TTBK2: variants seen among roughly 807,000 people sequenced by gnomAD.
TTBK2 encodes the protein tau-tubulin kinase 2.
In TTBK2, 28 loss-of-function variants were observed where a neutral mutation model predicts 110.8. The observed-to-expected ratio is 0.25, with a 90% confidence interval of 0.19 to 0.35. TTBK2 has a LOEUF of 0.35. TTBK2 is among the 10% of genes least tolerant of loss of function. The probability of loss-of-function intolerance (pLI) is 1.00; values close to 1 mark genes in which losing one functional copy is unlikely to be tolerated. For missense variants in TTBK2, 1,369 were observed against 1,500.3 expected (o/e 0.91, Z 1.45); for synonymous variants, 532 against 527.3 (o/e 1.01, Z -0.12).
intron 1 of TTBK2, among the ~76,000 whole-genome samples, chr15:42,889,797 A>G (rs1050277728): frequency 1.3e-5 from 2 of 151,994 alleles, no homozygotes; most frequent in African/African-American, 4.8e-5. Flanking sequence ...TCTTCCTTCA[A>G]CTTAATCTCT....
chr15:42,878,526 C>T, intron 2 of TTBK2, 23 bp downstream of exon 2: 2 of 1,607,762 alleles, frequency 1.2e-6, no homozygotes, highest in Non-Finnish European at 8.5e-7. Flanking sequence ...CACACACACA[C>T]ACTCTCTGAG....
chr15:42,790,180 T>C (rs1890594320), intron 10 of TTBK2, among the ~76,000 whole-genome samples: 1 of 152,192 alleles, frequency 6.6e-6, no homozygotes, highest in African/African-American at 2.4e-5. Flanking sequence ...ATAAAACTCC[T>C]AGAAGAGAAC....
At chr15:42,747,046 T>G (rs1472451248) in intron 14 of TTBK2, among the ~76,000 whole-genome samples, 1 of 151,438 alleles carries the variant, frequency 6.6e-6, no homozygotes, top group Non-Finnish European at 1.5e-5. Context: ...CTCACTGCAG[T>G]CTCGACCTCC....
intron 9 of TTBK2, among the ~76,000 whole-genome samples, chr15:42,798,952 A>T (rs1296213765): frequency 6.6e-6 from 1 of 152,208 alleles, no homozygotes; most frequent in Non-Finnish European, 1.5e-5. Flanking sequence ...CGAAAATCCA[A>T]AATATTCCAA....
At chr15:42,791,077 C>T (rs575217114) in intron 10 of TTBK2, among the ~76,000 whole-genome samples, 70 of 152,172 alleles carry the variant, frequency 4.6e-4, no homozygotes, top group South Asian at 1.0e-3. Flanking sequence ...TTAGTAGAGA[C>T]GGGGTTTCAC....
chr15:42,743,530 T>C lies in TTBK2; in HGVS notation c.*2265A>G, dbSNP rs1025218244. ...CAGAAATATGACAATTTCTTCATTA[T>C]TCCCCCGACCCCCTGCAAAAAAAGT... On this transcript the variant is annotated 3_prime_UTR_variant, in exon 15 of 15. Coordinates refer to ENST00000267890, the MANE Select transcript of TTBK2 (RefSeq NM_173500.4). 6.6e-6 allele frequency: 1 copy of C among 152,234 alleles called. No individual in the cohort carries two copies. The highest frequency in any genetic ancestry group is 2.4e-5 in the African/African-American group (1 of 41,460). 9.4% of individuals were successfully genotyped at this position (152,234 alleles called of 1,614,324 possible).
chr15:42,781,425 C>T (rs1041757918), intron 11 of TTBK2, among the ~76,000 whole-genome samples: 3 of 152,014 alleles, frequency 2.0e-5, no homozygotes, highest in Non-Finnish European at 2.9e-5. Flanking sequence ...CTTGTCTTAG[C>T]TTATTCTGCT....
At position 42,794,667 on chromosome 15, in the gene TTBK2, A is replaced by G; in HGVS notation, c.957T>C (p.Thr319=). 6.2e-7 allele frequency: 1 copy of G among 1,614,126 alleles called. No homozygotes were observed. Residue 319 remains threonine, a synonymous_variant, in exon 10 of 15, where the codon ACT becomes ACC. Transcript: ENST00000267890. ...ACCCAATTGCAGCAGGGGTCAAGCG[A>G]GTGTGCAACTGAGGGGTGGTAGAAG... ...TTTSTTPQLH[T]RLTPAAIGIA...
intron 11 of TTBK2, among the ~76,000 whole-genome samples, chr15:42,782,082 T>C (rs1219044897): frequency 6.6e-6 from 1 of 152,154 alleles, no homozygotes; most frequent in African/African-American, 2.4e-5. Context: ...TATGTATATA[T>C]ATTTTTTGAG....
intron 4 of TTBK2, among the ~76,000 whole-genome samples, chr15:42,836,724 C>A (rs934568767): frequency 6.6e-6 from 1 of 152,180 alleles, no homozygotes; most frequent in Non-Finnish European, 1.5e-5. Flanking sequence ...CAGAAAGACT[C>A]TGCAGACTAA....
chr15:42,816,057 AAT>A (rs1410112235), intron 7 of TTBK2, among the ~76,000 whole-genome samples: 2 of 107,292 alleles, frequency 1.9e-5, no homozygotes, highest in Non-Finnish European at 3.5e-5. Flanking sequence ...TCTATATAAA[AAT>A]ATATATATAT....
intron 9 of TTBK2, among the ~76,000 whole-genome samples, chr15:42,806,652 G>A (rs991503705): frequency 6.6e-6 from 1 of 152,118 alleles, no homozygotes; most frequent in African/African-American, 2.4e-5. Flanking sequence ...CCCTTGGCTT[G>A]TAACATTCTA....
chr15:42,800,691 TA>T (rs776435549), intron 9 of TTBK2, among the ~76,000 whole-genome samples: 53 of 150,780 alleles, frequency 3.5e-4, no homozygotes, highest in Non-Finnish European at 6.3e-4. Flanking sequence ...CAGTGATAAG[TA>T]GATGCAATAG....
At chr15:42,811,069 C>T (rs1478860028) in intron 8 of TTBK2, among the ~76,000 whole-genome samples, 1 of 152,190 alleles carries the variant, frequency 6.6e-6, no homozygotes, top group Admixed American at 6.5e-5. Context: ...CAACTCACTG[C>T]AGCCTCGACC....
At position 42,777,209 on chromosome 15, in the gene TTBK2, C is replaced by A. The variant is rs749712720; in HGVS notation, c.1231G>T (p.Ala411Ser). 3.1e-6 allele frequency: 5 copies of A among 1,614,020 alleles called. No homozygotes were observed. In the African/African-American group the frequency reaches 6.7e-5, roughly 22 times the overall value. The change falls in exon 12 of 15, where the codon GCA becomes TCA. Residue 411 changes from alanine to serine, a missense_variant. This residue lies in a region of TTBK2 where 1,097 missense variants were observed against 1,114.7 expected (regional missense o/e 0.98). Coordinates refer to ENST00000267890, the MANE Select transcript of TTBK2 (RefSeq NM_173500.4). ...CTTGGAGCATTGAGAAGACCATTTG[C>A]CTGGCCATGGCTGTTCTCCTCTTCA... ...ATEEENSHGQ[A>S]NGLLNAPSLG...
At chr15:42,857,795 T>TA (rs1351745740) in intron 3 of TTBK2, among the ~76,000 whole-genome samples, 1 of 151,998 alleles carries the variant, frequency 6.6e-6, no homozygotes, top group East Asian at 1.9e-4. Flanking sequence ...AAGTACAAGT[T>TA]AATGGGGCCA....
intron 14 of TTBK2, among the ~76,000 whole-genome samples, chr15:42,750,457 A>G (rs774541287): frequency 2.0e-5 from 3 of 152,160 alleles, no homozygotes; most frequent in Non-Finnish European, 4.4e-5. Flanking sequence ...AAAAAGTACA[A>G]TCACTAAAAT....
Position 42,851,629 on chromosome 15 carries a change from CATAT to C in TTBK2, c.218-11200_218-11197del, listed in dbSNP as rs151087738. Among the ~76,000 whole-genome samples the C allele has an allele frequency of 8.8e-4, 134 of 151,886 alleles. 2 individuals carry two copies. The East Asian group carries it at 0.022, about 25-fold the overall frequency. On this transcript the variant is annotated intron_variant, in intron 3 of 14. Coordinates refer to ENST00000267890, the MANE Select transcript of TTBK2 (RefSeq NM_173500.4). Reference sequence around the variant, plus strand: ...TGGAGGGGGATTTTATATATACATACATATATAAACATATGGATGATTATATATT... The same window carrying C: ...TGGAGGGGGATTTTATATATACATACATAAACATATGGATGATTATATATT...
chr15:42,793,766 T>C (rs972816740), intron 10 of TTBK2, among the ~76,000 whole-genome samples: 2 of 151,924 alleles, frequency 1.3e-5, no homozygotes, highest in Admixed American at 1.3e-4. Context: ...GAAAATCGCT[T>C]GAACCCAGGA....
Sources: gnomAD v4.1 joint callset for allele counts (sites outside exome capture counted in the v4.1 genomes callset) on GRCh38, gnomAD v4.1.1 for gene constraint, gnomAD v4.1.1 regional missense constraint, MANE v1.5 for transcripts, NCBI Gene and HGNC (gene_info 2026-07-23, HGNC 2026-07-21) for gene names.